The following EYS variants were observed in gnomAD, a reference collection of about 807,000 sequenced individuals.
The protein encoded by EYS is protein eyes shut homolog.
EYS carries 250 observed loss-of-function variants against 282.1 expected under a neutral mutation model. The observed-to-expected ratio is 0.89, with a 90% CI of 0.80 to 0.98. The LOEUF (loss-of-function observed/expected upper bound fraction) is 0.98. EYS is among the 50% of genes least tolerant of loss of function. The pLI is 0.00. For missense variants in EYS, 4,016 were observed against 3,709.0 expected (o/e 1.08, Z -2.15); for synonymous variants, 1,355 against 1,282.9 (o/e 1.06, Z -1.20).
intron 41 of EYS, among the ~76,000 whole-genome samples, chr6:63,755,678 G>A (rs1448382836): frequency 6.6e-6 from 1 of 152,130 alleles, no homozygotes; most frequent in African/African-American, 2.4e-5. Flanking sequence ...AAAGTCTTTG[G>A]TAGCTTCATG....
chr6:65,032,677 CT>C (rs908502663), intron 13 of EYS, among the ~76,000 whole-genome samples: 49 of 147,020 alleles, frequency 3.3e-4, no homozygotes, highest in East Asian at 8.0e-4. Flanking sequence ...ATATCTCTCT[CT>C]TTTTTTTTTT....
In EYS at chr6:64,059,355, T is replaced by C. The variant is rs115550829; in HGVS notation, c.6725+6983A>G. ...TTAAATTTTGCTAATTGCCATTCTG[T>C]TTTGACAATTTGAAGTGAATTGCAC... is the stretch of plus-strand genomic sequence containing the variant. On this transcript the variant is annotated intron_variant, in intron 33 of 42. Coordinates refer to ENST00000503581, the MANE Select transcript of EYS (RefSeq NM_001142800.2). Among the ~76,000 whole-genome samples, 747 of 152,234 alleles carry C rather than the reference T, an allele frequency of 4.9e-3. 8 individuals are homozygous for C. Among genetic ancestry groups the C allele is most frequent in the African/African-American group, 0.017 (716 of 41,538 alleles).
At chr6:64,425,177 T>C (rs1270057930) in intron 28 of EYS, among the ~76,000 whole-genome samples, 2 of 152,112 alleles carry the variant, frequency 1.3e-5, no homozygotes, top group Admixed American at 6.6e-5. Context: ...AACACAACCA[T>C]GCAGGGTCTT....
chr6:64,952,850 G>C (rs1393305959), intron 14 of EYS, among the ~76,000 whole-genome samples: 1 of 151,882 alleles, frequency 6.6e-6, no homozygotes, highest in East Asian at 1.9e-4. Flanking sequence ...TAAATTCCAA[G>C]AGGGCAGAAA....
chr6:63,873,337 C>A (rs878985208), intron 35 of EYS, among the ~76,000 whole-genome samples: 1 of 152,042 alleles, frequency 6.6e-6, no homozygotes, highest in Admixed American at 6.6e-5. Context: ...TGAACTCATC[C>A]TTTTTTATGG....
At chr6:64,052,632 G>T (rs2149845186) in intron 33 of EYS, among the ~76,000 whole-genome samples, 1 of 152,232 alleles carries the variant, frequency 6.6e-6, no homozygotes, top group South Asian at 2.1e-4. Context: ...GCTTGATATG[G>T]TTTGGCTCTG....
intron 1 of EYS, among the ~76,000 whole-genome samples, chr6:65,676,652 C>G (rs1768611641): frequency 6.6e-6 from 1 of 151,780 alleles, no homozygotes; most frequent in Non-Finnish European, 1.5e-5. Context: ...TAATGTCAAT[C>G]TTTTTCCACT....
intron 12 of EYS, among the ~76,000 whole-genome samples, chr6:65,073,691 G>A (rs1023995553): frequency 1.1e-3 from 169 of 151,370 alleles, no homozygotes; most frequent in Non-Finnish European, 3.8e-4. Flanking sequence ...TTCTGATTTT[G>A]TTGTCCCTTA....
intron 35 of EYS, among the ~76,000 whole-genome samples, chr6:63,970,238 T>C (rs769889450): frequency 6.6e-6 from 1 of 152,212 alleles, no homozygotes; most frequent in Non-Finnish European, 1.5e-5. Context: ...AGATGACCAC[T>C]TCATAGCATT....
chr6:65,599,264 A>T (rs1240643196), intron 2 of EYS, among the ~76,000 whole-genome samples: 1 of 152,062 alleles, frequency 6.6e-6, no homozygotes, highest in African/African-American at 2.4e-5. Context: ...GCCTAGTTCA[A>T]ACCATGTTGT....
chr6:64,597,053 G>T (rs141114462), intron 24 of EYS, among the ~76,000 whole-genome samples: 1 of 151,750 alleles, frequency 6.6e-6, no homozygotes, highest in Non-Finnish European at 1.5e-5. Flanking sequence ...GTGGACAAGG[G>T]GCATGAATAG....
chr6:64,661,480 T>C (rs1769018273), intron 22 of EYS, among the ~76,000 whole-genome samples: 1 of 152,088 alleles, frequency 6.6e-6, no homozygotes, highest in African/African-American at 2.4e-5. Context: ...ATTTTTGCAA[T>C]CTACTCATCT....
intron 13 of EYS, among the ~76,000 whole-genome samples, chr6:65,005,028 G>A (rs1479026856): frequency 2.0e-5 from 3 of 147,924 alleles, no homozygotes; most frequent in African/African-American, 7.3e-5. Flanking sequence ...TTGCATGGGA[G>A]CTCTGTTTTC....
intron 11 of EYS, among the ~76,000 whole-genome samples, chr6:65,317,963 G>T (rs1769358670): frequency 6.6e-6 from 1 of 150,556 alleles, no homozygotes. Flanking sequence ...CTCCTCCGGG[G>T]TTCAAGCAAT....
At chr6:64,626,386 G>T (rs548545956) in intron 22 of EYS, 141 bp from the exon 23 acceptor site, 17 of 901,638 alleles carry the variant, frequency 1.9e-5, no homozygotes, top group Non-Finnish European at 2.6e-5. Context: ...GGGTGACAAT[G>T]AGTTGAATTG....
intron 29 of EYS, among the ~76,000 whole-genome samples, chr6:64,366,448 C>A (rs890574054): frequency 6.6e-6 from 1 of 151,934 alleles, no homozygotes; most frequent in Non-Finnish European, 1.5e-5. Context: ...GAACTGTAAG[C>A]AAATAAATTT....
intron 26 of EYS, among the ~76,000 whole-genome samples, chr6:64,504,945 A>T (rs1777165928): frequency 6.6e-6 from 1 of 152,176 alleles, no homozygotes; most frequent in Admixed American, 6.5e-5. Context: ...TTTAAGGCGA[A>T]CAACATGGTC....
chr6:65,264,740 C>G (rs1767706585), intron 12 of EYS, among the ~76,000 whole-genome samples: 2 of 151,716 alleles, frequency 1.3e-5, no homozygotes, highest in Non-Finnish European at 2.9e-5. Flanking sequence ...ATATTGATAA[C>G]AATGAAAGAC....
chr6:64,958,443 C>T (rs1266059231), intron 14 of EYS, among the ~76,000 whole-genome samples: 1 of 151,740 alleles, frequency 6.6e-6, no homozygotes, highest in African/African-American at 2.4e-5. Context: ...CTCACTTTCA[C>T]AGAGATTAAG....
Sources: allele counts gnomAD v4.1 joint callset (sites outside exome capture counted in the v4.1 genomes callset), GRCh38; gene constraint gnomAD v4.1.1; transcripts MANE v1.5; gene names NCBI Gene and HGNC (gene_info 2026-07-23, HGNC 2026-07-21).